The following SLC16A12 variants were observed in gnomAD, a reference collection of about 807,000 sequenced individuals.
SLC16A12 encodes the protein monocarboxylate transporter 12.
A neutral mutation model predicts 42.4 loss-of-function variants in SLC16A12; 17 were observed. That is an observed-to-expected ratio of 0.40 (90% CI 0.27 to 0.60). The LOEUF (loss-of-function observed/expected upper bound fraction) is 0.60, where lower values mean the gene tolerates loss of function less well. Among genes scored for constraint, SLC16A12 ranks in the 20% least tolerant of loss-of-function variants. The probability of loss-of-function intolerance (pLI) is 0.42; values close to 1 mark genes in which losing one functional copy is unlikely to be tolerated. For synonymous variants in SLC16A12, 224 were observed against 229.4 expected, an observed-to-expected ratio of 0.98 and a Z score of 0.21; for missense variants, 544 against 623.0, an observed-to-expected ratio of 0.87 and a Z score of 1.35.
At chr10:89,517,908 A>T (rs919373121) in intron 2 of SLC16A12, among the ~76,000 whole-genome samples, 2 of 152,160 alleles carry the variant, frequency 1.3e-5, no homozygotes, top group African/African-American at 4.8e-5. Flanking sequence ...TACTATATTA[A>T]ATATATACAC....
upstream of SLC16A12, among the ~76,000 whole-genome samples, chr10:89,539,860 T>TCTTC (rs1491560792): frequency 2.6e-5 from 3 of 117,568 alleles, no homozygotes; most frequent in East Asian, 7.7e-4. Context: ...AACAAATTTT[T>TCTTC]CTTTCTTTCT....
At chr10:89,439,295 A>ATGATACGGCGACCACCG in intron 5 of SLC16A12, 112 bp from the exon 6 acceptor site, 1 of 1,111,136 alleles carries the variant, frequency 9.0e-7, no homozygotes, top group South Asian at 1.5e-5. Flanking sequence ...AACCCTTTTA[A>ATGATACGGCGACCACCG]AGCTGCTTTT....
chr10:89,519,969 T>C (rs1308493440), intron 2 of SLC16A12, among the ~76,000 whole-genome samples: 3 of 151,604 alleles, frequency 2.0e-5, no homozygotes, highest in Admixed American at 6.6e-5. Context: ...AAAAATTAGT[T>C]GGATGTGGTG....
At chr10:89,470,406 C>T (rs949345295) in intron 2 of SLC16A12, among the ~76,000 whole-genome samples, 11 of 152,190 alleles carry the variant, frequency 7.2e-5, no homozygotes, top group African/African-American at 2.7e-4. Flanking sequence ...GAGGCCTGTG[C>T]TATTTGTCCC....
upstream of SLC16A12, among the ~76,000 whole-genome samples, chr10:89,539,907 T>TTC (rs1307481591): frequency 1.4e-5 from 2 of 148,036 alleles, no homozygotes; most frequent in African/African-American, 2.6e-5. Context: ...CTTTCTTTCT[T>TTC]TCTTTTTTCT....
intron 1 of SLC16A12, among the ~76,000 whole-genome samples, chr10:89,534,934 C>G (rs1385897594): frequency 1.3e-5 from 2 of 152,052 alleles, no homozygotes; most frequent in South Asian, 2.1e-4. Context: ...AATTTTGTTA[C>G]GAACGCTTTT....
intron 2 of SLC16A12, among the ~76,000 whole-genome samples, chr10:89,468,718 G>A (rs760835251): frequency 4.0e-4 from 61 of 152,318 alleles, no homozygotes; most frequent in Admixed American, 7.8e-4. Context: ...GGCAAACCTT[G>A]TTTCCTGGAG....
At chr10:89,480,233 C>T (rs1277618342) in intron 2 of SLC16A12, among the ~76,000 whole-genome samples, 1 of 152,170 alleles carries the variant, frequency 6.6e-6, no homozygotes, top group Admixed American at 6.5e-5. Context: ...TTTTGAAGCA[C>T]ATGGAACAGT....
chr10:89,446,081 A>G (rs1841995692), intron 3 of SLC16A12, among the ~76,000 whole-genome samples: 1 of 152,178 alleles, frequency 6.6e-6, no homozygotes, highest in African/African-American at 2.4e-5. Flanking sequence ...GAAATGAACA[A>G]AGCCTCCAAG....
intron 3 of SLC16A12, among the ~76,000 whole-genome samples, chr10:89,448,288 C>A (rs1842036383): frequency 6.6e-6 from 1 of 152,118 alleles, no homozygotes; most frequent in South Asian, 2.1e-4. Flanking sequence ...ATATCAAAGT[C>A]TGGCAAAAAC....
At chr10:89,500,157 C>T (rs1038374043) in intron 2 of SLC16A12, among the ~76,000 whole-genome samples, 2 of 151,646 alleles carry the variant, frequency 1.3e-5, no homozygotes, top group Non-Finnish European at 2.9e-5. Context: ...TTAAAAATAC[C>T]AACAAAAAAA....
At chr10:89,509,264 A>G (rs553504068) in intron 2 of SLC16A12, among the ~76,000 whole-genome samples, 2 of 152,346 alleles carry the variant, frequency 1.3e-5, no homozygotes, top group Admixed American at 6.5e-5. Context: ...CATCATCCTG[A>G]TACCAAAACC....
intron 2 of SLC16A12, among the ~76,000 whole-genome samples, chr10:89,475,760 G>A (rs1842568158): frequency 6.6e-6 from 1 of 152,128 alleles, no homozygotes; most frequent in Non-Finnish European, 1.5e-5. Flanking sequence ...GATGCTTTGA[G>A]GACAGGAACA....
At chr10:89,462,343 G>C in intron 3 of SLC16A12, 36 bp downstream of exon 3, 1 of 1,613,252 alleles carries the variant, frequency 6.2e-7, no homozygotes, top group Non-Finnish European at 8.5e-7. Context: ...GACAGGCCAG[G>C]TCATCTTAAT....
At chr10:89,443,899 T>C (rs761679946) in intron 3 of SLC16A12, 40 bp from the exon 4 acceptor site, 2 of 1,300,108 alleles carry the variant, frequency 1.5e-6, no homozygotes, top group Admixed American at 3.4e-5. Flanking sequence ...AAAAAATGAA[T>C]GAGCATGCAT....
At chr10:89,528,496 T>C (rs955244193) in intron 2 of SLC16A12, among the ~76,000 whole-genome samples, 3 of 152,168 alleles carry the variant, frequency 2.0e-5, no homozygotes, top group African/African-American at 7.2e-5. Flanking sequence ...TGTTTTGACA[T>C]CTTATACACA....
At chr10:89,532,865 C>G (rs1843578650) in intron 2 of SLC16A12, among the ~76,000 whole-genome samples, 1 of 152,136 alleles carries the variant, frequency 6.6e-6, no homozygotes, top group Admixed American at 6.5e-5. Flanking sequence ...GACAAAATAA[C>G]AACAGAACAC....
At chr10:89,475,610 C>T (rs1444429519) in intron 2 of SLC16A12, among the ~76,000 whole-genome samples, 1 of 152,050 alleles carries the variant, frequency 6.6e-6, no homozygotes, top group Non-Finnish European at 1.5e-5. Context: ...CTGCTTAGTC[C>T]TCAAACAAAT....
rs987858435 is a variant in SLC16A12 at position 89,464,015 on chromosome 10, G to A, written c.-46-1391C>T. On this transcript the variant is annotated intron_variant, in intron 2 of 7. Transcript: ENST00000371790. ...AACCTGACTCTCGTAATTATGTCAC[G>A]TTATATATGACTCAGGCCTGCTAGC... 1.5e-4 allele frequency among the ~76,000 whole-genome samples: 23 copies of A among 152,098 alleles called. No homozygotes were observed. The East Asian group carries it at 2.7e-3, about 18-fold the overall frequency.
Sources: gnomAD v4.1 joint callset for allele counts (sites outside exome capture counted in the v4.1 genomes callset) on GRCh38, gnomAD v4.1.1 for gene constraint, MANE v1.5 for transcripts, NCBI Gene and HGNC (gene_info 2026-07-23, HGNC 2026-07-21) for gene names.